The following TNFRSF19 variants were observed in gnomAD, a reference collection of about 807,000 sequenced individuals.
TNFRSF19 encodes the protein TNF receptor superfamily member 19, also known as tumor necrosis factor receptor superfamily member 19.
Under a neutral mutation model 46.4 loss-of-function variants are expected in TNFRSF19, and 27 were observed. The ratio of observed to expected loss-of-function variants is 0.58; its 90% CI spans 0.43 to 0.80. TNFRSF19 has a LOEUF of 0.80. TNFRSF19 is among the 30% of genes least tolerant of loss of function. The pLI is 0.00. For synonymous variants in TNFRSF19, 204 were observed against 205.0 expected (o/e 1.00, Z 0.04); for missense variants, 511 against 530.8 (o/e 0.96, Z 0.37).
intron 9 of TNFRSF19, chr13:23,669,674 G>T: frequency 1.8e-5 from 18 of 985,312 alleles, no homozygotes; most frequent in Non-Finnish European, 2.2e-5. Flanking sequence ...AATGGTTTAA[G>T]ATCAGGTTTG....
intron 4 of TNFRSF19, among the ~76,000 whole-genome samples, chr13:23,618,730 T>G (rs1424287924): frequency 1.3e-5 from 2 of 152,170 alleles, no homozygotes; most frequent in Non-Finnish European, 2.9e-5. Context: ...TAGCAGCAGT[T>G]TACGTAATAG....
Position 23,597,833 on chromosome 13 carries a change from A to G in TNFRSF19, c.180+4378A>G, listed in dbSNP as rs138798300. Among the ~76,000 whole-genome samples the G allele has an allele frequency of 9.8e-3, 1,489 of 152,352 alleles. 12 individuals carry two copies. The highest frequency in any genetic ancestry group is 0.014 in the Non-Finnish European group (947 of 68,026). On this transcript the variant is annotated intron_variant, in intron 3 of 9. Coordinates refer to ENST00000248484, the MANE Select transcript of TNFRSF19 (RefSeq NM_148957.4). ...AGGCCAATATCCCTGATGAACATCA[A>G]TGCGAAAATCCTCAATAAAATACTG...
At chr13:23,646,200 C>T (rs1385276415) in intron 5 of TNFRSF19, among the ~76,000 whole-genome samples, 3 of 152,154 alleles carry the variant, frequency 2.0e-5, no homozygotes, top group Admixed American at 6.5e-5. Flanking sequence ...CTTTCTGAAG[C>T]GGAAGGCAGA....
chr13:23,643,415 A>G (rs1283370877), intron 5 of TNFRSF19, among the ~76,000 whole-genome samples: 1 of 152,268 alleles, frequency 6.6e-6, no homozygotes, highest in African/African-American at 2.4e-5. Context: ...ATTTTGGAAC[A>G]TTAGCTGTAA....
At chr13:23,637,805 G>C (rs2138326657) in intron 5 of TNFRSF19, among the ~76,000 whole-genome samples, 1 of 152,388 alleles carries the variant, frequency 6.6e-6, no homozygotes, top group Non-Finnish European at 1.5e-5. Flanking sequence ...CACAGGATCA[G>C]GGTCCGCAGG....
At chr13:23,586,304 A>G (rs920830932) in intron 1 of TNFRSF19, among the ~76,000 whole-genome samples, 4 of 152,098 alleles carry the variant, frequency 2.6e-5, no homozygotes, top group African/African-American at 9.7e-5. Flanking sequence ...AGATGCAACA[A>G]AAAGGCTAGA....
At chr13:23,602,322 A>G (rs559789021) in intron 3 of TNFRSF19, among the ~76,000 whole-genome samples, 138 of 151,826 alleles carry the variant, frequency 9.1e-4, no homozygotes, top group African/African-American at 3.3e-3. Flanking sequence ...AAATTATAAT[A>G]ATCTTTAATG....
intron 5 of TNFRSF19, among the ~76,000 whole-genome samples, chr13:23,629,292 G>T (rs1882206101): frequency 6.6e-6 from 1 of 152,188 alleles, no homozygotes; most frequent in African/African-American, 2.4e-5. Context: ...CCCTCCCTGG[G>T]GGTCCCAGGT....
chr13:23,629,104 T>C (rs1882190689), intron 5 of TNFRSF19, among the ~76,000 whole-genome samples: 1 of 150,534 alleles, frequency 6.6e-6, no homozygotes, highest in Admixed American at 6.6e-5. Flanking sequence ...TTTTTTTAGC[T>C]CATCCACAAA....
At chr13:23,647,975 CT>C (rs1555277417) in intron 5 of TNFRSF19, among the ~76,000 whole-genome samples, 1 of 151,936 alleles carries the variant, frequency 6.6e-6, no homozygotes, top group Admixed American at 6.6e-5. Flanking sequence ...ACCACCCCCC[CT>C]TTTTTTTAAC....
At chr13:23,637,942 A>G (rs1384290096) in intron 5 of TNFRSF19, among the ~76,000 whole-genome samples, 1 of 152,214 alleles carries the variant, frequency 6.6e-6, no homozygotes, top group African/African-American at 2.4e-5. Flanking sequence ...GGTTAAGGAG[A>G]GTCCGTGGTG....
chr13:23,597,426 T>A (rs1879812088), intron 3 of TNFRSF19, among the ~76,000 whole-genome samples: 1 of 151,976 alleles, frequency 6.6e-6, no homozygotes. Flanking sequence ...TCACCACTGA[T>A]CCCACAGAAA....
chr13:23,619,576 C>T (rs1028781064), intron 4 of TNFRSF19, among the ~76,000 whole-genome samples: 12 of 152,010 alleles, frequency 7.9e-5, no homozygotes, highest in African/African-American at 9.7e-5. Context: ...AAAAAAGGAA[C>T]GGTCTATAAT....
chr13:23,596,780 C>T (rs1879760934), intron 3 of TNFRSF19, among the ~76,000 whole-genome samples: 1 of 152,190 alleles, frequency 6.6e-6, no homozygotes, highest in Non-Finnish European at 1.5e-5. Context: ...ACTCTCCACC[C>T]CTAATCAACA....
intron 1 of TNFRSF19, among the ~76,000 whole-genome samples, chr13:23,583,643 T>C (rs1878621109): frequency 6.6e-6 from 1 of 152,196 alleles, no homozygotes; most frequent in Non-Finnish European, 1.5e-5. Flanking sequence ...TTTGGTCAGC[T>C]TGGATTGGTC....
At chr13:23,649,003 C>A (rs909040650) in intron 5 of TNFRSF19, among the ~76,000 whole-genome samples, 4 of 152,162 alleles carry the variant, frequency 2.6e-5, no homozygotes, top group African/African-American at 9.6e-5. Flanking sequence ...ATGTTTGTCT[C>A]TATCTTTATA....
At chr13:23,641,546 G>C (rs577147349) in intron 5 of TNFRSF19, among the ~76,000 whole-genome samples, 1 of 152,114 alleles carries the variant, frequency 6.6e-6, no homozygotes, top group East Asian at 1.9e-4. Context: ...GGCCAGGCTG[G>C]TCTTGAACTC....
chr13:23,672,359 A>G (rs1951773271), intron 9 of TNFRSF19, among the ~76,000 whole-genome samples: 1 of 152,236 alleles, frequency 6.6e-6, no homozygotes, highest in Admixed American at 6.5e-5. Context: ...GGAAAAGCAT[A>G]TCTTGAAGTT....
At chr13:23,664,408 C>T (rs1340714913) in intron 7 of TNFRSF19, among the ~76,000 whole-genome samples, 4 of 152,016 alleles carry the variant, frequency 2.6e-5, no homozygotes, top group African/African-American at 7.2e-5. Context: ...TTCTTCAGCA[C>T]GTGTTTTTAC....
Sources: allele counts gnomAD v4.1 joint callset (sites outside exome capture counted in the v4.1 genomes callset), GRCh38; gene constraint gnomAD v4.1.1; transcripts MANE v1.5; gene names NCBI Gene and HGNC (gene_info 2026-07-23, HGNC 2026-07-21).